DCPS: variants seen among roughly 807,000 people sequenced by gnomAD.
DCPS encodes the protein decapping enzyme, scavenger, also known as m7GpppX diphosphatase.
In DCPS, 27 loss-of-function variants were observed where a neutral mutation model predicts 34.7. The ratio of observed to expected loss-of-function variants is 0.78; its 90% CI spans 0.57 to 1.07. The LOEUF (loss-of-function observed/expected upper bound fraction) is 1.07. Among genes scored for constraint, DCPS ranks in the 50% least tolerant of loss-of-function variants. DCPS has a pLI of 0.00. For missense variants in DCPS, 464 were observed against 436.9 expected, an observed-to-expected ratio of 1.06 and a Z score of -0.55; for synonymous variants, 185 against 185.7, an observed-to-expected ratio of 1.00 and a Z score of 0.03.
chr11:126,306,628 C>T lies in DCPS; in HGVS notation c.260C>T (p.Thr87Met), dbSNP rs138737928. The stretch of plus-strand genomic sequence containing the variant: ...GATGCCGTTGTGATCCTGGAGAAGA[C>T]GCCATTTCAGGTGGAACAGGTGGCT... ...GEDAVVILEK[T>M]PFQVEQVAQL... Residue 87 changes from threonine (T) to methionine (M), a missense_variant, in exon 2 of 6, where the codon ACG becomes ATG. Coordinates refer to ENST00000263579, the MANE Select transcript of DCPS (RefSeq NM_014026.6). 55 of 1,613,708 alleles carry T rather than the reference C, an allele frequency of 3.4e-5. No individual in the cohort carries two copies. The highest frequency in any genetic ancestry group is 1.6e-4 in the Middle Eastern group (1 of 6,066).
chr11:126,316,144 G>A (rs1209642419), intron 2 of DCPS, among the ~76,000 whole-genome samples: 3 of 152,002 alleles, frequency 2.0e-5, no homozygotes, highest in Admixed American at 1.3e-4. Context: ...TTTTCATGGA[G>A]TTTTTAGTTG....
rs1036706706 is a variant in DCPS at position 126,329,101 on chromosome 11, C to T, written c.377-2304C>T. Among the ~76,000 whole-genome samples the T allele has an allele frequency of 2.0e-5, 3 of 152,138 alleles. No individual in the cohort carries two copies. The highest frequency in any genetic ancestry group is 1.3e-4 in the Admixed American group (2 of 15,278). On this transcript the variant is annotated intron_variant, in intron 2 of 5. Transcript: ENST00000263579. The surrounding 1 kb of genome is among the most constrained non-coding windows in gnomAD (Gnocchi z 5.0). ...GTCCACTGCAAGGGCCAAGGTGGTG[C>T]CGTTCAGTCTACTTCAAGCAGTCTC...
At chr11:126,324,351 T>G (rs1432152537) in intron 2 of DCPS, among the ~76,000 whole-genome samples, 1 of 152,188 alleles carries the variant, frequency 6.6e-6, no homozygotes, top group Non-Finnish European at 1.5e-5. Flanking sequence ...CTAATGAAAA[T>G]TCCAAGAATT....
At position 126,313,223 on chromosome 11, in the gene DCPS, G is replaced by A. The variant is rs1311975014; in HGVS notation, c.376+6479G>A. ...GTGAGGCCAGGGCGGGGAGCAGAGG[G>A]GTGGGATCCTGGGAATCGTTTCTCT... On this transcript the variant is annotated intron_variant, in intron 2 of 5. Coordinates refer to ENST00000263579, the MANE Select transcript of DCPS (RefSeq NM_014026.6). This position sits in a 1 kb window ranked among gnomAD's most constrained non-coding sequence, Gnocchi z 4.9. Among the ~76,000 whole-genome samples the A allele has an allele frequency of 6.6e-6, 1 of 152,196 alleles. No homozygotes were observed. The highest frequency in any genetic ancestry group is 1.9e-4 in the East Asian group (1 of 5,196).
intron 1 of DCPS, 38 bp from the exon 2 acceptor site, chr11:126,306,532 T>G (rs776377408): frequency 5.8e-6 from 9 of 1,555,418 alleles, no homozygotes; most frequent in Non-Finnish European, 7.9e-6. Flanking sequence ...TCATCGTGGT[T>G]CTGCCCTTGA....
rs925837015 is a variant in DCPS, at chr11:126,319,422, C to A, written c.377-11983C>A. Among the ~76,000 whole-genome samples, 1 of 152,162 alleles carries A rather than the reference C, an allele frequency of 6.6e-6. No individual in the cohort carries two copies. Among genetic ancestry groups the A allele is most frequent in the Admixed American group, 6.5e-5 (1 of 15,272 alleles). ...CCTCTTCCGTCCCTTTGTGCTCCCC[C>A]CAGAACCTGCTGTCCCGCAGCATTT... On this transcript the variant is annotated intron_variant, in intron 2 of 5. Transcript: ENST00000263579. The surrounding 1 kb of genome is among the most constrained non-coding windows in gnomAD (Gnocchi z 4.5).
intron 2 of DCPS, among the ~76,000 whole-genome samples, chr11:126,326,218 G>A (rs984015718): frequency 2.0e-5 from 3 of 152,226 alleles, no homozygotes; most frequent in Non-Finnish European, 4.4e-5. Flanking sequence ...CTGGGCAGGG[G>A]TGTTGCCAGG....
At chr11:126,340,409 C>T (rs1035290114) in intron 4 of DCPS, among the ~76,000 whole-genome samples, 1 of 152,076 alleles carries the variant, frequency 6.6e-6, no homozygotes, top group Non-Finnish European at 1.5e-5. Context: ...GCAACCTCCA[C>T]CTCCTGGATT....
chr11:126,314,217 T>G (rs1298707070), intron 2 of DCPS, among the ~76,000 whole-genome samples: 1 of 152,250 alleles, frequency 6.6e-6, no homozygotes, highest in African/African-American at 2.4e-5. Context: ...TGTTCCTGCC[T>G]TAGTTGGCTT....
Position 126,306,651 on chromosome 11 carries a change from G to T in DCPS, c.283G>T (p.Ala95Ser). ...GACGCCATTTCAGGTGGAACAGGTGGCTCAGCTCCTGACGGGCAGCCCTGA... is the reference window on the plus strand; with the variant it reads ...GACGCCATTTCAGGTGGAACAGGTGTCTCAGCTCCTGACGGGCAGCCCTGA... ...EKTPFQVEQVAQLLTGSPELQ... is the reference protein window; with the variant it reads ...EKTPFQVEQVSQLLTGSPELQ... Residue 95 changes from alanine (A) to serine (S), a missense_variant, in exon 2 of 6, where the codon GCT (alanine) becomes TCT (serine). By Grantham distance (99) the Ala-to-Ser change is moderately conservative (BLOSUM62 1). Transcript: ENST00000263579. 6.2e-7 allele frequency: 1 copy of T among 1,613,966 alleles called. No homozygotes were observed. Among genetic ancestry groups the T allele is most frequent in the Non-Finnish European group, 8.5e-7 (1 of 1,179,920 alleles).
rs1348455422 is a variant in DCPS, at chr11:126,328,929, A to G, written c.377-2476A>G. 3.3e-5 allele frequency among the ~76,000 whole-genome samples: 5 copies of G among 152,216 alleles called. No individual in the cohort carries two copies. Among genetic ancestry groups the G allele is most frequent in the African/African-American group, 1.2e-4 (5 of 41,448 alleles). ...GTTACCCCAGATTGTAGAAGTCAGG[A>G]GACTGAAGCCACAGACAGTGTCAGT... On this transcript the variant is annotated intron_variant, in intron 2 of 5. Coordinates refer to ENST00000263579, the MANE Select transcript of DCPS (RefSeq NM_014026.6). This position sits in a 1 kb window ranked among gnomAD's most constrained non-coding sequence, Gnocchi z 6.6.
At position 126,315,135 on chromosome 11, in the gene DCPS, C is replaced by T. The variant is rs1054007899; in HGVS notation, c.376+8391C>T. 1.3e-5 allele frequency among the ~76,000 whole-genome samples: 2 copies of T among 151,984 alleles called. No homozygotes were observed. The highest frequency in any genetic ancestry group is 6.6e-5 in the Admixed American group (1 of 15,262). On this transcript the variant is annotated intron_variant, in intron 2 of 5. Transcript: ENST00000263579. This position sits in a 1 kb window ranked among gnomAD's most constrained non-coding sequence, Gnocchi z 6.1. Reference sequence around the variant, plus strand: ...GAGGAGTAAGAGGATCAAAAAACTCCCTATCAGGTATTATGCTTATTACCT... The same window carrying T: ...GAGGAGTAAGAGGATCAAAAAACTCTCTATCAGGTATTATGCTTATTACCT...
intron 4 of DCPS, 69 bp from the exon 5 acceptor site, chr11:126,343,238 A>C: frequency 7.5e-7 from 1 of 1,337,354 alleles, no homozygotes; most frequent in Non-Finnish European, 1.1e-6. Flanking sequence ...TTACGTGAGA[A>C]CTCCAGGGTT....
intron 2 of DCPS, among the ~76,000 whole-genome samples, chr11:126,308,280 C>T (rs1283601336): frequency 6.6e-6 from 1 of 152,218 alleles, no homozygotes; most frequent in Non-Finnish European, 1.5e-5. Flanking sequence ...TGTTTTACAG[C>T]ACATGGTGAC....
rs1951789077 is a variant in DCPS at position 126,331,279 on chromosome 11, T to C, written c.377-126T>C. On this transcript the variant is annotated intron_variant, in intron 2 of 5. Transcript: ENST00000263579. This position sits in a 1 kb window ranked among gnomAD's most constrained non-coding sequence, Gnocchi z 7.2. ...GTGGGAGTGGATCTTGGGTGCATGA[T>C]CCTCTTGGATTTTGGCTTCCCTCAG... 7.1e-7 allele frequency: 1 copy of C among 1,407,002 alleles called. No individual in the cohort carries two copies. Among genetic ancestry groups the C allele is most frequent in the African/African-American group, 1.4e-5 (1 of 69,884 alleles). The allele number at this position is 1,407,002 out of a possible 1,614,324, so 87.2% of individuals were successfully genotyped here. A position where few individuals can be genotyped will look rare whatever the true frequency, so the allele number is the denominator to read the frequency against.
chr11:126,330,687 C>A (rs1406179624), intron 2 of DCPS, among the ~76,000 whole-genome samples: 2 of 59,468 alleles, frequency 3.4e-5, no homozygotes, highest in Non-Finnish European at 5.4e-5. Context: ...GGGCTTTAAA[C>A]CATATATATA....
intron 2 of DCPS, among the ~76,000 whole-genome samples, chr11:126,317,788 T>G (rs1951673336): frequency 6.6e-6 from 1 of 152,126 alleles, no homozygotes; most frequent in Non-Finnish European, 1.5e-5. Context: ...TGTGGAGAAG[T>G]GGGGGGGCTC....
chr11:126,317,508 G>A lies in DCPS; in HGVS notation c.376+10764G>A, dbSNP rs942461921. On this transcript the variant is annotated intron_variant, in intron 2 of 5. Coordinates refer to ENST00000263579, the MANE Select transcript of DCPS (RefSeq NM_014026.6). ...CCTCAAATTATTTTATTTCCTCTGG[G>A]ATCTGGTTGTTTATCTTGGTCATCC... is the stretch of plus-strand genomic sequence containing the variant. 2.0e-5 allele frequency among the ~76,000 whole-genome samples: 3 copies of A among 151,942 alleles called. No individual in the cohort carries two copies. The East Asian group carries it at 5.8e-4, about 29-fold the overall frequency.
Position 126,338,116 on chromosome 11 carries a change from C to T in DCPS, c.523-170C>T, listed in dbSNP as rs1264883041. 2 of 631,650 alleles carry T rather than the reference C, an allele frequency of 3.2e-6. No homozygotes were observed. Among genetic ancestry groups the T allele is most frequent in the Admixed American group, 5.4e-5 (2 of 37,210 alleles). The allele number at this position is 631,650 out of a possible 1,614,324, so 39.1% of individuals were successfully genotyped here. A position where few individuals can be genotyped will look rare whatever the true frequency, so the allele number is the denominator to read the frequency against. On this transcript the variant is annotated intron_variant, in intron 3 of 5. Coordinates refer to ENST00000263579, the MANE Select transcript of DCPS (RefSeq NM_014026.6). This position sits in a 1 kb window ranked among gnomAD's most constrained non-coding sequence, Gnocchi z 5.4. ...GAAGTCCCTTCTGGACCCCTAAGAACAGATGCTTGGGGACAGGGCAGCCCG... is the reference window on the plus strand; with the variant it reads ...GAAGTCCCTTCTGGACCCCTAAGAATAGATGCTTGGGGACAGGGCAGCCCG...
Sources: allele counts gnomAD v4.1 joint callset (sites outside exome capture counted in the v4.1 genomes callset), GRCh38; gene constraint gnomAD v4.1.1; non-coding constraint Gnocchi (gnomAD v3.1); transcripts MANE v1.5; gene names NCBI Gene and HGNC (gene_info 2026-07-23, HGNC 2026-07-21).